Variants in NME7 observed in about 807,000 individuals in gnomAD.
NME7 encodes nucleoside diphosphate kinase 7.
In NME7, 41 loss-of-function variants were observed where a neutral mutation model predicts 49.1. The observed-to-expected ratio is 0.83, with a 90% CI of 0.65 to 1.08. NME7 has a LOEUF of 1.08. Among genes scored for constraint, NME7 ranks in the 50% least tolerant of loss-of-function variants. NME7 has a pLI of 0.00. For missense variants in NME7, 423 were observed against 463.4 expected (o/e 0.91, Z 0.80); for synonymous variants, 139 against 150.6 (o/e 0.92, Z 0.56).
chr1:169,330,955 C>G (rs867434187), intron 1 of NME7, among the ~76,000 whole-genome samples: 1 of 151,984 alleles, frequency 6.6e-6, no homozygotes, highest in African/African-American at 2.4e-5. Flanking sequence ...ACTCATTCTA[C>G]GAGGCCAGTA....
At chr1:169,280,446 A>C (rs889613442) in intron 7 of NME7, among the ~76,000 whole-genome samples, 1 of 151,678 alleles carries the variant, frequency 6.6e-6, no homozygotes, top group Non-Finnish European at 1.5e-5. Flanking sequence ...GCTGTGCAGA[A>C]ACTCTTTAGT....
intron 1 of NME7, among the ~76,000 whole-genome samples, chr1:169,363,837 C>G (rs939928664): frequency 2.6e-5 from 4 of 151,986 alleles, no homozygotes; most frequent in Non-Finnish European, 2.9e-5. Flanking sequence ...TTGAAAGAGC[C>G]CCAGCCTGCA....
At chr1:169,232,524 A>G (rs544707263) in intron 9 of NME7, among the ~76,000 whole-genome samples, 8 of 150,870 alleles carry the variant, frequency 5.3e-5, no homozygotes, top group African/African-American at 1.9e-4. Flanking sequence ...GCTAAAAACA[A>G]AAACAAAAAG....
intron 3 of NME7, among the ~76,000 whole-genome samples, chr1:169,312,375 T>C (rs1159945978): frequency 6.6e-6 from 1 of 152,210 alleles, no homozygotes; most frequent in African/African-American, 2.4e-5. Context: ...AGAGTCACTG[T>C]GAGAGAAAAC....
intron 7 of NME7, among the ~76,000 whole-genome samples, chr1:169,254,550 T>A (rs1490948595): frequency 1.3e-5 from 2 of 151,662 alleles, no homozygotes; most frequent in Admixed American, 1.3e-4. Flanking sequence ...GGGTTTTTTG[T>A]ATCTCTATTT....
At chr1:169,261,777 A>C (rs1454157677) in intron 7 of NME7, among the ~76,000 whole-genome samples, 2 of 133,664 alleles carry the variant, frequency 1.5e-5, no homozygotes, top group South Asian at 2.3e-4. Context: ...AAAAATGCAT[A>C]TTCTTGGGCT....
chr1:169,284,265 C>T (rs1202050386), intron 7 of NME7: 1 of 151,850 alleles, frequency 6.6e-6, no homozygotes, highest in African/African-American at 2.4e-5. Flanking sequence ...GTATTCTTCA[C>T]AAAGTTCTTG....
At chr1:169,156,774 G>A (rs567579537) in intron 11 of NME7, among the ~76,000 whole-genome samples, 2 of 152,180 alleles carry the variant, frequency 1.3e-5, no homozygotes, top group East Asian at 3.9e-4. Flanking sequence ...GATATAGGAG[G>A]GAATGTGAAA....
intron 11 of NME7, among the ~76,000 whole-genome samples, chr1:169,162,318 T>C (rs764520556): frequency 2.6e-5 from 4 of 152,010 alleles, no homozygotes; most frequent in Non-Finnish European, 4.4e-5. Flanking sequence ...ATTAAACTTA[T>C]ACATACAATT....
At chr1:169,279,487 C>T (rs569959868) in intron 7 of NME7, among the ~76,000 whole-genome samples, 1 of 152,226 alleles carries the variant, frequency 6.6e-6, no homozygotes, top group Non-Finnish European at 1.5e-5. Flanking sequence ...TAGGACCCTC[C>T]AAGCCAGGTG....
At position 169,237,699 on chromosome 1, in the gene NME7, G is replaced by T; in HGVS notation, c.755-12C>A. On this transcript the variant is annotated splice_polypyrimidine_tract_variant and intron_variant, in intron 7 of 11. Coordinates refer to ENST00000367811, the MANE Select transcript of NME7 (RefSeq NM_013330.5). The stretch of plus-strand genomic sequence containing the variant: ...CTTTCCCAACAGTCCTGAAAATGAA[G>T]GACAATGAGTGAAAAAATACAAAAT... 6.3e-7 allele frequency: 1 copy of T among 1,590,184 alleles called. No homozygotes were observed. The highest frequency in any genetic ancestry group is 8.6e-7 in the Non-Finnish European group (1 of 1,168,600).
chr1:169,354,227 T>C (rs1310487096), intron 1 of NME7, among the ~76,000 whole-genome samples: 3 of 152,104 alleles, frequency 2.0e-5, no homozygotes, highest in Non-Finnish European at 4.4e-5. Flanking sequence ...AAAAATGTGA[T>C]TCTGTCATTT....
intron 11 of NME7, among the ~76,000 whole-genome samples, chr1:169,138,909 A>T (rs1458315062): frequency 6.6e-6 from 1 of 152,156 alleles, no homozygotes. Context: ...TGCTAATATA[A>T]CTAAAGGCTA....
intron 10 of NME7, among the ~76,000 whole-genome samples, chr1:169,174,280 T>C (rs1659686223): frequency 6.6e-6 from 1 of 152,228 alleles, no homozygotes; most frequent in Non-Finnish European, 1.5e-5. Context: ...TCACTGTTTA[T>C]TGAATAGGTC....
chr1:169,199,174 T>A (rs1020709646), intron 10 of NME7, among the ~76,000 whole-genome samples: 5 of 152,020 alleles, frequency 3.3e-5, no homozygotes, highest in Admixed American at 2.6e-4. Flanking sequence ...GTGCAGAGTA[T>A]CATTAAATAG....
At chr1:169,341,890 C>G (rs189980850) in intron 1 of NME7, among the ~76,000 whole-genome samples, 1 of 152,252 alleles carries the variant, frequency 6.6e-6, no homozygotes, top group East Asian at 1.9e-4. Flanking sequence ...GCCTGTGCCC[C>G]CACTGTATCT....
chr1:169,232,565 G>A (rs200223276), intron 9 of NME7, among the ~76,000 whole-genome samples: 2 of 151,522 alleles, frequency 1.3e-5, no homozygotes, highest in East Asian at 3.9e-4. Context: ...TTGGGGGGGG[G>A]GCAGGGGAAA....
At chr1:169,301,653 T>A (rs993671935) in intron 5 of NME7, among the ~76,000 whole-genome samples, 1 of 151,940 alleles carries the variant, frequency 6.6e-6, no homozygotes, top group African/African-American at 2.4e-5. Flanking sequence ...CAATAGCAAA[T>A]ACATGGAAAT....
chr1:169,196,549 G>A (rs76601150), intron 10 of NME7, among the ~76,000 whole-genome samples: 2,243 of 152,188 alleles, frequency 0.015, 50 homozygotes, highest in African/African-American at 0.048. Context: ...AAATAAAAGC[G>A]GTAAGTAAGA....
Sources: allele counts gnomAD v4.1 joint callset (sites outside exome capture counted in the v4.1 genomes callset), GRCh38; gene constraint gnomAD v4.1.1; transcripts MANE v1.5; gene names NCBI Gene and HGNC (gene_info 2026-07-23, HGNC 2026-07-21).